The following RNF220 variants were observed in gnomAD, a reference collection of about 807,000 sequenced individuals.
RNF220 encodes E3 ubiquitin-protein ligase RNF220.
In RNF220, 7 loss-of-function variants were observed where a neutral mutation model predicts 67.1. The observed-to-expected ratio is 0.10, with a 90% confidence interval of 0.06 to 0.20. RNF220 has a LOEUF of 0.20. RNF220 is among the 10% of genes least tolerant of loss of function. The pLI is 1.00. For synonymous variants in RNF220, 270 were observed against 283.2 expected (o/e 0.95, Z 0.47); for missense variants, 565 against 740.3 (o/e 0.76, Z 2.75).
intron 2 of RNF220, among the ~76,000 whole-genome samples, chr1:44,432,486 T>C (rs950144757): frequency 1.7e-4 from 26 of 152,118 alleles, no homozygotes; most frequent in African/African-American, 5.3e-4. Flanking sequence ...GGTCAGCCTG[T>C]TTCGAATTCC....
chr1:44,496,387 G>T (rs1657348830), intron 2 of RNF220, among the ~76,000 whole-genome samples: 1 of 152,218 alleles, frequency 6.6e-6, no homozygotes, highest in Non-Finnish European at 1.5e-5. Context: ...ATCTCTGGAA[G>T]AGGGATAGAC....
At chr1:44,530,297 A>C (rs1165972010) in intron 2 of RNF220, among the ~76,000 whole-genome samples, 4 of 152,174 alleles carry the variant, frequency 2.6e-5, no homozygotes, top group Non-Finnish European at 5.9e-5. Context: ...GAACAACCTA[A>C]GTCTTTTGAC....
chr1:44,638,380 AC>A (rs1300569089), intron 8 of RNF220: 3 of 152,304 alleles, frequency 2.0e-5, no homozygotes, highest in Non-Finnish European at 2.9e-5. Flanking sequence ...TGCCCAGCAG[AC>A]TTCAGAGAGA....
At position 44,412,237 on chromosome 1, in the gene RNF220, C is replaced by A; in HGVS notation, c.140C>A (p.Pro47His). 1.2e-6 allele frequency: 2 copies of A among 1,614,236 alleles called. No homozygotes were observed. Among genetic ancestry groups the A allele is most frequent in the South Asian group, 2.2e-5 (2 of 91,092 alleles). Residue 47 changes from proline (P) to histidine (H), a missense_variant, in exon 2 of 15, where the codon CCC becomes CAC. By Grantham distance (77) the Pro-to-His change is moderately conservative (BLOSUM62 -2). Coordinates refer to ENST00000361799, the MANE Select transcript of RNF220 (RefSeq NM_018150.4). The surrounding 1 kb of genome is among the most constrained non-coding windows in gnomAD (Gnocchi z 5.3). ...DASIPCQQPR[P>H]FGVPVSVDKD... ...TCCATCCCTTGTCAGCAGCCACGAC[C>A]CTTTGGTGTACCTGTCTCAGTTGAC...
In RNF220 at chr1:44,651,558, A is replaced by G. The variant is rs1157557011; in HGVS notation, c.*783A>G. ...CCTGGCCACCCAGCCTCTGCTGAGA[A>G]CCATTCCTGGGATTAGAGCTGCCTT... is the stretch of plus-strand genomic sequence containing the variant. On this transcript the variant is annotated 3_prime_UTR_variant, in exon 15 of 15. Transcript: ENST00000361799. 6.6e-6 allele frequency: 1 copy of G among 152,580 alleles called. No homozygotes were observed. Among genetic ancestry groups the G allele is most frequent in the Non-Finnish European group, 1.5e-5 (1 of 68,096 alleles). 9.5% of individuals were successfully genotyped at this position (152,580 alleles called of 1,614,324 possible). A position where few individuals can be genotyped will look rare whatever the true frequency, so the allele number is the denominator to read the frequency against.
chr1:44,586,425 A>T (rs924549238), intron 2 of RNF220, among the ~76,000 whole-genome samples: 6 of 152,102 alleles, frequency 3.9e-5, no homozygotes, highest in African/African-American at 1.4e-4. Context: ...CAAGGTAAGG[A>T]TAGAGGGTGG....
intron 2 of RNF220, among the ~76,000 whole-genome samples, chr1:44,573,975 G>A (rs974186066): frequency 4.6e-5 from 7 of 152,252 alleles, no homozygotes; most frequent in African/African-American, 1.7e-4. Flanking sequence ...AATATGAGCT[G>A]GGCGTGGTGG....
intron 2 of RNF220, among the ~76,000 whole-genome samples, chr1:44,603,962 C>T (rs1232139193): frequency 1.3e-5 from 2 of 152,248 alleles, no homozygotes; most frequent in African/African-American, 2.4e-5. Flanking sequence ...CCCACAGCTG[C>T]GGAGGTTCCC....
rs1235763590 is a variant in RNF220 at position 44,412,937 on chromosome 1, G to A, written c.625+215G>A. 1.3e-5 allele frequency among the ~76,000 whole-genome samples: 2 copies of A among 152,284 alleles called. No individual in the cohort carries two copies. Among genetic ancestry groups the A allele is most frequent in the South Asian group, 2.1e-4 (1 of 4,826 alleles). On this transcript the variant is annotated intron_variant, in intron 2 of 14. Transcript: ENST00000361799. The surrounding 1 kb of genome is among the most constrained non-coding windows in gnomAD (Gnocchi z 5.3). ...TCTGAAAGTAGCCAGAGGCAAGTTGGCCCCAGCACAGCCTTTCTCTCCGGA... is the reference window on the plus strand; with the variant it reads ...TCTGAAAGTAGCCAGAGGCAAGTTGACCCCAGCACAGCCTTTCTCTCCGGA...
intron 2 of RNF220, among the ~76,000 whole-genome samples, chr1:44,426,806 C>T (rs185694675): frequency 8.2e-4 from 125 of 151,892 alleles, no homozygotes; most frequent in African/African-American, 2.8e-3. Context: ...TTTAATAGAC[C>T]AGTAACAAGC....
chr1:44,548,780 C>A (rs1444205079), intron 2 of RNF220, among the ~76,000 whole-genome samples: 1 of 152,240 alleles, frequency 6.6e-6, no homozygotes, highest in African/African-American at 2.4e-5. Context: ...GCGTGAGCCA[C>A]TGCGCCCAGC....
chr1:44,501,256 G>A (rs1039569722), intron 2 of RNF220, among the ~76,000 whole-genome samples: 1 of 152,082 alleles, frequency 6.6e-6, no homozygotes, highest in African/African-American at 2.4e-5. Context: ...GCGGCTGTCA[G>A]TATGGGGAGG....
At chr1:44,629,463 A>C (rs1181216553) in intron 5 of RNF220, among the ~76,000 whole-genome samples, 6 of 152,208 alleles carry the variant, frequency 3.9e-5, no homozygotes, top group Non-Finnish European at 5.9e-5. Context: ...TGTTCAGCTT[A>C]GTGTCCTTGC....
At chr1:44,576,761 T>TA (rs1664835628) in intron 2 of RNF220, among the ~76,000 whole-genome samples, 1 of 152,108 alleles carries the variant, frequency 6.6e-6, no homozygotes, top group Non-Finnish European at 1.5e-5. Flanking sequence ...GGATGGCCAG[T>TA]TTTTTCGTCT....
At chr1:44,460,212 C>G (rs978181421) in intron 2 of RNF220, among the ~76,000 whole-genome samples, 6 of 152,210 alleles carry the variant, frequency 3.9e-5, no homozygotes, top group Non-Finnish European at 8.8e-5. Flanking sequence ...CATTAATTCA[C>G]TGACATTTCC....
intron 2 of RNF220, among the ~76,000 whole-genome samples, chr1:44,481,122 G>A (rs997891233): frequency 2.0e-5 from 3 of 152,044 alleles, no homozygotes; most frequent in Non-Finnish European, 4.4e-5. Context: ...GAGGTGTCTG[G>A]GGATAAAGAA....
chr1:44,533,811 G>A (rs1661007539), intron 2 of RNF220, among the ~76,000 whole-genome samples: 1 of 152,208 alleles, frequency 6.6e-6, no homozygotes, highest in Non-Finnish European at 1.5e-5. Context: ...AGCATTCTAA[G>A]TAGAGGGATC....
intron 2 of RNF220, among the ~76,000 whole-genome samples, chr1:44,525,409 T>C (rs1051933788): frequency 6.6e-6 from 1 of 152,238 alleles, no homozygotes; most frequent in African/African-American, 2.4e-5. Context: ...AAATCCTTTT[T>C]GAATGAATGG....
chr1:44,474,873 A>G (rs180890384), intron 2 of RNF220, among the ~76,000 whole-genome samples: 1 of 152,354 alleles, frequency 6.6e-6, no homozygotes, highest in Non-Finnish European at 1.5e-5. Context: ...ATGCCACCTT[A>G]TATAAGGGAA....
Sources: gnomAD v4.1 joint callset for allele counts (sites outside exome capture counted in the v4.1 genomes callset) on GRCh38, gnomAD v4.1.1 for gene constraint, Gnocchi (gnomAD v3.1) non-coding constraint, MANE v1.5 for transcripts, NCBI Gene and HGNC (gene_info 2026-07-23, HGNC 2026-07-21) for gene names.